ACSS2: variants seen among roughly 807,000 people sequenced by gnomAD.
ACSS2 encodes acyl-CoA synthetase short chain family member 2, also known as acetyl-coenzyme A synthetase, cytoplasmic.
ACSS2 carries 58 observed loss-of-function variants against 90.6 expected under a neutral mutation model. That is an observed-to-expected ratio of 0.64 (90% CI 0.52 to 0.80). ACSS2 has a LOEUF of 0.80. Ranked by LOEUF, ACSS2 falls within the 30% of genes least tolerant of loss-of-function variation. ACSS2 has a pLI of 0.00. For synonymous variants in ACSS2, 300 were observed against 330.9 expected (o/e 0.91, Z 1.01); for missense variants, 759 against 912.0 (o/e 0.83, Z 2.16).
Position 34,921,330 on chromosome 20 carries a change from G to A in ACSS2, c.1278G>A (p.Lys426=), listed in dbSNP as rs765898481. The A allele has an allele frequency of 1.2e-6, 2 of 1,614,086 alleles. No homozygotes were observed. The highest frequency in any genetic ancestry group is 1.7e-6 in the Non-Finnish European group (2 of 1,180,020). Residue 426 remains lysine, a splice_region_variant and synonymous_variant, in exon 11 of 18, where the codon AAG becomes AAA. Coordinates refer to ENST00000360596, the MANE Select transcript of ACSS2 (RefSeq NM_018677.4). The part of the protein sequence containing the change: ...LMKFGDEPVT[K]HSRASLQVLG... ...CCTCTCTCCCATTCCCCTGCCCCAGGCATAGCCGGGCATCCTTGCAGGTGT... is the reference window on the plus strand; with the variant it reads ...CCTCTCTCCCATTCCCCTGCCCCAGACATAGCCGGGCATCCTTGCAGGTGT...
At chr20:34,904,221 G>A (rs1034632010) in intron 2 of ACSS2, among the ~76,000 whole-genome samples, 2 of 151,336 alleles carry the variant, frequency 1.3e-5, no homozygotes, top group Admixed American at 1.3e-4. Context: ...GGGCTGGAGA[G>A]GAGCGCAGGG....
chr20:34,876,539 C>A (rs921129021), upstream of ACSS2: 1 of 1,256,358 alleles, frequency 8.0e-7, no homozygotes, highest in East Asian at 3.2e-5. Context: ...CCCCACTCAC[C>A]AGGCCCCGCC....
In ACSS2 at chr20:34,926,971, T is replaced by G; in HGVS notation, c.1978+20T>G. 2.5e-6 allele frequency: 4 copies of G among 1,613,954 alleles called. No homozygotes were observed. The highest frequency in any genetic ancestry group is 3.4e-6 in the Non-Finnish European group (4 of 1,179,920). On this transcript the variant is annotated intron_variant, in intron 17 of 17. Coordinates refer to ENST00000360596, the MANE Select transcript of ACSS2 (RefSeq NM_018677.4). ...GCTCAGGTATGTTCAGAGGCCTCCATGGATTGGGATGGGCTGAGGCCTGGT... is the reference window on the plus strand; with the variant it reads ...GCTCAGGTATGTTCAGAGGCCTCCAGGGATTGGGATGGGCTGAGGCCTGGT...
chr20:34,919,620 T>TGC, intron 8 of ACSS2, 48 bp downstream of exon 8: 1 of 1,410,460 alleles, frequency 7.1e-7, no homozygotes, highest in Middle Eastern at 2.5e-4. Flanking sequence ...TGTGTGTGTG[T>TGC]ATTATGTAGG....
At chr20:34,921,186 G>A (rs2081188166) in intron 10 of ACSS2, 47 bp downstream of exon 10, 4 of 1,613,518 alleles carry the variant, frequency 2.5e-6, no homozygotes, top group African/African-American at 1.3e-5. Flanking sequence ...CCTCAGAGCT[G>A]GGTGCTGGCC....
upstream of ACSS2, among the ~76,000 whole-genome samples, chr20:34,875,419 A>G (rs1288909940): frequency 2.0e-5 from 3 of 152,134 alleles, no homozygotes; most frequent in African/African-American, 7.2e-5. Context: ...AAATACAAAA[A>G]TTAGCTGGGT....
intron 7 of ACSS2, among the ~76,000 whole-genome samples, chr20:34,916,858 GC>G (rs143422361): frequency 6.6e-6 from 1 of 152,242 alleles, no homozygotes; most frequent in African/African-American, 2.4e-5. Context: ...CCCGTACATG[GC>G]AGCTGCCCTC....
intron 1 of ACSS2, among the ~76,000 whole-genome samples, chr20:34,878,615 G>T (rs1031891982): frequency 6.6e-6 from 1 of 152,196 alleles, no homozygotes; most frequent in African/African-American, 2.4e-5. Context: ...TTTGAACCAA[G>T]ACAGTTTGAC....
intron 2 of ACSS2, among the ~76,000 whole-genome samples, chr20:34,902,524 G>A (rs1161253101): frequency 5.3e-5 from 8 of 152,026 alleles, no homozygotes; most frequent in Non-Finnish European, 1.2e-4. Context: ...AATATGGCAT[G>A]TTCTATCAGT....
chr20:34,897,075 A>T (rs577974191), intron 2 of ACSS2, among the ~76,000 whole-genome samples: 1 of 152,302 alleles, frequency 6.6e-6, no homozygotes, highest in African/African-American at 2.4e-5. Context: ...GAATGAATGA[A>T]TAGTGCTTAA....
intron 14 of ACSS2, among the ~76,000 whole-genome samples, chr20:34,923,863 T>TAAC (rs1431311079): frequency 3.2e-5 from 2 of 63,160 alleles, no homozygotes; most frequent in Non-Finnish European, 6.1e-5. Context: ...GCCCCACCTC[T>TAAC]AACACTGGGG....
chr20:34,875,825 T>C (rs574606068), upstream of ACSS2: 87 of 152,782 alleles, frequency 5.7e-4, 1 homozygote, highest in South Asian at 0.016. Context: ...TGTCTCCTAG[T>C]CTTCACTTAT....
At position 34,927,673 on chromosome 20, in the gene ACSS2, T is replaced by C. The variant is rs938849794; in HGVS notation, c.*459T>C. The C allele has an allele frequency of 1.7e-5, 3 of 172,678 alleles. No individual in the cohort carries two copies. The highest frequency in any genetic ancestry group is 7.1e-5 in the African/African-American group (3 of 42,292). 10.7% of individuals were successfully genotyped at this position (172,678 alleles called of 1,614,324 possible). On this transcript the variant is annotated 3_prime_UTR_variant, in exon 18 of 18. Transcript: ENST00000360596. The surrounding 1 kb of genome is among the most constrained non-coding windows in gnomAD (Gnocchi z 4.2). ...TTAAAATATTTTGCTGCTTCTGTTC[T>C]GGGTCTGAATTCCCTTTTGTGCCAG... is the stretch of plus-strand genomic sequence containing the variant.
At chr20:34,913,326 C>A in intron 3 of ACSS2, 67 bp from the exon 4 acceptor site, 1 of 1,569,380 alleles carries the variant, frequency 6.4e-7, no homozygotes, top group Non-Finnish European at 8.8e-7. Flanking sequence ...GGGAGGCCAG[C>A]TGGATGGGAG....
chr20:34,894,265 G>A (rs1356323497), intron 2 of ACSS2, among the ~76,000 whole-genome samples: 1 of 152,028 alleles, frequency 6.6e-6, no homozygotes, highest in Non-Finnish European at 1.5e-5. Context: ...TGAGGAGGGA[G>A]GATCACTGAA....
chr20:34,877,710 T>A (rs1424323205), intron 1 of ACSS2, among the ~76,000 whole-genome samples: 9 of 149,254 alleles, frequency 6.0e-5, no homozygotes, highest in Non-Finnish European at 1.2e-4. Flanking sequence ...TCCCAGCTAC[T>A]CGAGAGGCTG....
chr20:34,877,446 A>AT (rs1198202428), intron 1 of ACSS2, among the ~76,000 whole-genome samples: 1 of 152,044 alleles, frequency 6.6e-6, no homozygotes, highest in African/African-American at 2.4e-5. Context: ...TGTTTTATTT[A>AT]TTTTTTTAAC....
chr20:34,910,085 G>A (rs1024073580), intron 2 of ACSS2, among the ~76,000 whole-genome samples: 2 of 150,238 alleles, frequency 1.3e-5, no homozygotes, highest in Non-Finnish European at 2.9e-5. Flanking sequence ...GCGATGGCAC[G>A]GTCTCAGCTT....
rs1349205816 is a variant in ACSS2 at position 34,876,688 on chromosome 20, C to T, written c.43C>T (p.Arg15Trp). Reference protein sequence around the residue: ...EERVRSGSGSRGQEEAGAGGR... With the variant: ...EERVRSGSGSWGQEEAGAGGR... ...GCGGGTCCGGAGCGGCAGCGGGAGC[C>T]GGGGCCAGGAGGAAGCTGGAGCCGG... Residue 15 changes from arginine (R) to tryptophan (W), a missense_variant, in exon 1 of 18, where the codon CGG becomes TGG. Physicochemically the swap from Arg to Trp is moderately radical, Grantham distance 101. Coordinates refer to ENST00000360596, the MANE Select transcript of ACSS2 (RefSeq NM_018677.4). 3 of 1,421,546 alleles carry T rather than the reference C, an allele frequency of 2.1e-6. No homozygotes were observed. Among genetic ancestry groups the T allele is most frequent in the Non-Finnish European group, 1.9e-6 (2 of 1,080,242 alleles). The allele number at this position is 1,421,546 out of a possible 1,614,324, so 88.1% of individuals were successfully genotyped here.
Sources: gnomAD v4.1 joint callset for allele counts (sites outside exome capture counted in the v4.1 genomes callset) on GRCh38, gnomAD v4.1.1 for gene constraint, Gnocchi (gnomAD v3.1) non-coding constraint, MANE v1.5 for transcripts, NCBI Gene and HGNC (gene_info 2026-07-23, HGNC 2026-07-21) for gene names.